CDH18: variants seen among roughly 807,000 people sequenced by gnomAD.
CDH18 encodes the protein cadherin-18.
A neutral mutation model predicts 67.9 loss-of-function variants in CDH18; 31 were observed. The ratio of observed to expected loss-of-function variants is 0.46; its 90% CI spans 0.34 to 0.62. The LOEUF (loss-of-function observed/expected upper bound fraction) is 0.62, where lower values mean the gene tolerates loss of function less well. CDH18 is among the 20% of genes least tolerant of loss of function. The probability of loss-of-function intolerance (pLI) is 0.01; values close to 1 mark genes in which losing one functional copy is unlikely to be tolerated. For synonymous variants in CDH18, 362 were observed against 347.2 expected (o/e 1.04, Z -0.48); for missense variants, 890 against 975.5 (o/e 0.91, Z 1.17).
intron 2 of CDH18, among the ~76,000 whole-genome samples, chr5:20,017,423 G>A (rs1348359817): frequency 2.0e-5 from 3 of 152,086 alleles, no homozygotes; most frequent in African/African-American, 7.2e-5. Flanking sequence ...TATATGAGTA[G>A]TATTGGGCTA....
chr5:19,663,275 G>C (rs1757442966), intron 5 of CDH18, among the ~76,000 whole-genome samples: 3 of 151,838 alleles, frequency 2.0e-5, no homozygotes, highest in Admixed American at 2.0e-4. Context: ...TATTTTTAAA[G>C]TTTTATCATG....
At chr5:19,841,571 C>CAAAAAAAAA (rs35296920) in intron 2 of CDH18, among the ~76,000 whole-genome samples, 1 of 137,060 alleles carries the variant, frequency 7.3e-6, no homozygotes, top group African/African-American at 2.7e-5. Flanking sequence ...TCATGAATTT[C>CAAAAAAAAA]AAAAAAAAAA....
chr5:19,596,099 G>A (rs1185316106), intron 6 of CDH18, among the ~76,000 whole-genome samples: 10 of 152,186 alleles, frequency 6.6e-5, no homozygotes, highest in African/African-American at 2.2e-4. Flanking sequence ...TCTCCAAAAA[G>A]AGTATATTTC....
At chr5:19,712,557 C>T (rs1764832139) in intron 5 of CDH18, among the ~76,000 whole-genome samples, 1 of 151,254 alleles carries the variant, frequency 6.6e-6, no homozygotes, top group African/African-American at 2.4e-5. Flanking sequence ...AAGGGCATGC[C>T]AGGAAGATCA....
At chr5:19,904,918 GACC>G (rs148557881) in intron 2 of CDH18, among the ~76,000 whole-genome samples, 1,951 of 152,218 alleles carry the variant, frequency 0.013, 38 homozygotes, top group African/African-American at 0.045. Context: ...TTCAAAAAAT[GACC>G]ACAAAACAGA....
At chr5:20,475,732 T>C (rs1752394685) in intron 1 of CDH18, among the ~76,000 whole-genome samples, 1 of 152,210 alleles carries the variant, frequency 6.6e-6, no homozygotes, top group South Asian at 2.1e-4. Flanking sequence ...AGATTGCAAC[T>C]AGTTTTCCCC....
chr5:19,680,990 T>C (rs1760224295), intron 5 of CDH18, among the ~76,000 whole-genome samples: 1 of 152,024 alleles, frequency 6.6e-6, no homozygotes, highest in African/African-American at 2.4e-5. Context: ...CTATTTATAA[T>C]AGCGATGACG....
intron 1 of CDH18, among the ~76,000 whole-genome samples, chr5:20,281,289 AT>A (rs1188619440): frequency 5.3e-5 from 8 of 152,164 alleles, no homozygotes; most frequent in Admixed American, 4.6e-4. Context: ...GCCCATGCCT[AT>A]GTCCTGAATG....
intron 1 of CDH18, among the ~76,000 whole-genome samples, chr5:20,567,900 T>C (rs527423351): frequency 1.3e-5 from 2 of 152,288 alleles, no homozygotes; most frequent in African/African-American, 4.8e-5. Flanking sequence ...AAATGTCATA[T>C]TTAGGACTTG....
intron 10 of CDH18, among the ~76,000 whole-genome samples, chr5:19,508,739 C>G (rs1744633153): frequency 6.6e-6 from 1 of 151,878 alleles, no homozygotes; most frequent in Non-Finnish European, 1.5e-5. Flanking sequence ...AATTAGAGTA[C>G]TTTATTAGGG....
At chr5:20,176,966 C>G (rs1377674622) in intron 2 of CDH18, among the ~76,000 whole-genome samples, 1 of 152,022 alleles carries the variant, frequency 6.6e-6, no homozygotes, top group African/African-American at 2.4e-5. Flanking sequence ...TGTTTTTTCT[C>G]TGATATTATA....
At chr5:20,318,251 A>G (rs1737652715) in intron 1 of CDH18, among the ~76,000 whole-genome samples, 1 of 152,110 alleles carries the variant, frequency 6.6e-6, no homozygotes, top group Non-Finnish European at 1.5e-5. Context: ...TTTATTGTTT[A>G]TTATTTCTTT....
intron 5 of CDH18, among the ~76,000 whole-genome samples, chr5:19,623,230 A>G (rs922818676): frequency 1.3e-5 from 2 of 152,164 alleles, no homozygotes; most frequent in Admixed American, 1.3e-4. Flanking sequence ...AATGAACCTG[A>G]CCTCCAAATA....
chr5:20,038,884 G>A (rs1661367544), intron 2 of CDH18, among the ~76,000 whole-genome samples: 2 of 152,058 alleles, frequency 1.3e-5, no homozygotes, highest in African/African-American at 4.8e-5. Flanking sequence ...TATTGAAATA[G>A]GAAAACAGGA....
At chr5:19,750,190 TATG>T (rs1190555819) in intron 3 of CDH18, among the ~76,000 whole-genome samples, 2 of 152,046 alleles carry the variant, frequency 1.3e-5, no homozygotes, top group African/African-American at 4.8e-5. Flanking sequence ...TTTATATGAT[TATG>T]ATGATAACCA....
At chr5:19,704,111 G>A (rs1763641754) in intron 5 of CDH18, among the ~76,000 whole-genome samples, 2 of 152,132 alleles carry the variant, frequency 1.3e-5, no homozygotes, top group African/African-American at 4.8e-5. Context: ...AGGATCTGGA[G>A]GCACAAATAA....
chr5:20,148,036 CT>C (rs1750794757), intron 2 of CDH18, among the ~76,000 whole-genome samples: 1 of 151,110 alleles, frequency 6.6e-6, no homozygotes, highest in Non-Finnish European at 1.5e-5. Flanking sequence ...TTATGTTTTG[CT>C]TTTGCCTATC....
At chr5:20,398,054 T>C (rs10060315) in intron 1 of CDH18, among the ~76,000 whole-genome samples, 139,441 of 152,234 alleles carry the variant, frequency 0.92, 64,017 homozygotes, top group East Asian at 1. Context: ...CATGTGCTTA[T>C]AGGCTACCAC....
At chr5:20,100,406 T>C (rs1253535872) in intron 2 of CDH18, among the ~76,000 whole-genome samples, 1 of 152,120 alleles carries the variant, frequency 6.6e-6, no homozygotes, top group Admixed American at 6.6e-5. Context: ...CAATTTTGGG[T>C]CCCTTGTATT....
Sources: gnomAD v4.1 joint callset for allele counts (sites outside exome capture counted in the v4.1 genomes callset) on GRCh38, gnomAD v4.1.1 for gene constraint, MANE v1.5 for transcripts, NCBI Gene and HGNC (gene_info 2026-07-23, HGNC 2026-07-21) for gene names.